The following SGCZ variants were observed in gnomAD, a reference collection of about 807,000 sequenced individuals.
SGCZ encodes the protein zeta-sarcoglycan.
Under a neutral mutation model 41.3 loss-of-function variants are expected in SGCZ, and 40 were observed. The observed-to-expected ratio is 0.97, with a 90% CI of 0.75 to 1.26. SGCZ has a LOEUF of 1.26. Ranked by LOEUF, SGCZ falls within the 50% of genes most tolerant of loss-of-function variation. SGCZ has a pLI of 0.00. For synonymous variants in SGCZ, 206 were observed against 137.5 expected (o/e 1.50, Z -3.49); for missense variants, 552 against 369.8 (o/e 1.49, Z -4.04).
chr8:14,268,649 A>AAAAT (rs1321940554), intron 3 of SGCZ, among the ~76,000 whole-genome samples: 1 of 151,936 alleles, frequency 6.6e-6, no homozygotes. Flanking sequence ...AATTATAACA[A>AAAAT]AAATAAATAT....
intron 1 of SGCZ, among the ~76,000 whole-genome samples, chr8:15,112,651 C>G (rs114957305): frequency 1.3e-5 from 2 of 152,204 alleles, no homozygotes; most frequent in Non-Finnish European, 2.9e-5. Flanking sequence ...AACACAGCCA[C>G]CATGCCGTGA....
At chr8:14,155,483 G>A (rs1803849446) in intron 5 of SGCZ, among the ~76,000 whole-genome samples, 1 of 151,870 alleles carries the variant, frequency 6.6e-6, no homozygotes, top group African/African-American at 2.4e-5. Flanking sequence ...AAAAAATCAT[G>A]TCTCATATCA....
intron 7 of SGCZ, among the ~76,000 whole-genome samples, chr8:14,093,675 T>A (rs1801756077): frequency 6.6e-6 from 1 of 152,088 alleles, no homozygotes. Context: ...ACCATAAGAC[T>A]ACTGCACACT....
chr8:14,414,270 T>C (rs1212706435), intron 2 of SGCZ, among the ~76,000 whole-genome samples: 3 of 151,900 alleles, frequency 2.0e-5, no homozygotes, highest in Admixed American at 6.6e-5. Flanking sequence ...ATATTCCTAA[T>C]TCATTATCAG....
At chr8:14,192,275 G>A (rs562294498) in intron 4 of SGCZ, among the ~76,000 whole-genome samples, 1 of 151,910 alleles carries the variant, frequency 6.6e-6, no homozygotes, top group African/African-American at 2.4e-5. Context: ...TATATCCCAA[G>A]GTAGTAAAGA....
rs535277841 is a variant in SGCZ, at chr8:14,266,884, T to G, written c.337-29205A>C. The stretch of plus-strand genomic sequence containing the variant: ...AATCCAAGTCATTATAACCACAAAA[T>G]GGAGTAGAGGAACTATTGCAAGACA... On this transcript the variant is annotated intron_variant, in intron 3 of 7. Transcript: ENST00000382080. 2.6e-5 allele frequency among the ~76,000 whole-genome samples: 4 copies of G among 152,078 alleles called. No individual in the cohort carries two copies. The South Asian group carries it at 6.2e-4, about 24-fold the overall frequency.
chr8:14,923,872 A>G (rs1378660808), intron 1 of SGCZ, among the ~76,000 whole-genome samples: 1 of 152,232 alleles, frequency 6.6e-6, no homozygotes, highest in Non-Finnish European at 1.5e-5. Flanking sequence ...TGAGAACCCC[A>G]GAGTTGGTAC....
chr8:14,949,782 G>C (rs565613960), intron 1 of SGCZ, among the ~76,000 whole-genome samples: 13 of 151,992 alleles, frequency 8.6e-5, no homozygotes, highest in African/African-American at 1.4e-4. Context: ...CTATAATTGT[G>C]ATCAATAAAA....
chr8:14,160,318 C>T (rs1474792521), intron 5 of SGCZ, among the ~76,000 whole-genome samples: 3 of 152,046 alleles, frequency 2.0e-5, no homozygotes, highest in Admixed American at 6.5e-5. Context: ...ATGTGGAATA[C>T]GAATGAAACT....
Position 14,086,371 on chromosome 8 carries a change from T to A in SGCZ, c.*4072A>T, listed in dbSNP as rs1801522761. Among the ~76,000 whole-genome samples the A allele has an allele frequency of 6.6e-6, 1 of 151,742 alleles. No individual in the cohort carries two copies. The highest frequency in any genetic ancestry group is 2.1e-4 in the South Asian group (1 of 4,830). ...CTGCCTCATACAGAGATACCATGTT[T>A]GCAATGAAATAATTTATTAGGAGTT... On this transcript the variant is annotated 3_prime_UTR_variant, in exon 8 of 8. Transcript: ENST00000382080.
chr8:14,170,216 G>A (rs1277397510), intron 4 of SGCZ, among the ~76,000 whole-genome samples: 2 of 151,928 alleles, frequency 1.3e-5, no homozygotes, highest in Non-Finnish European at 2.9e-5. Context: ...CAAATCCTCA[G>A]TATTTAATTA....
At chr8:14,445,208 A>C (rs1800396721) in intron 2 of SGCZ, among the ~76,000 whole-genome samples, 1 of 152,206 alleles carries the variant, frequency 6.6e-6, no homozygotes, top group South Asian at 2.1e-4. Flanking sequence ...TCCCCAGTAA[A>C]ACTCCACCTT....
At chr8:14,286,075 T>TG (rs531536698) in intron 3 of SGCZ, among the ~76,000 whole-genome samples, 8,537 of 150,962 alleles carry the variant, frequency 0.057, 256 homozygotes, top group Middle Eastern at 0.11. Context: ...GCAGTCAATG[T>TG]ATTTTGTTTT....
intron 5 of SGCZ, among the ~76,000 whole-genome samples, chr8:14,125,588 C>G (rs541969629): frequency 5.9e-5 from 9 of 151,302 alleles, no homozygotes; most frequent in African/African-American, 2.2e-4. Flanking sequence ...CTATTTCCAT[C>G]AAACTACAAT....
chr8:14,546,283 C>A (rs79154312), intron 2 of SGCZ, among the ~76,000 whole-genome samples: 1 of 152,044 alleles, frequency 6.6e-6, no homozygotes, highest in Non-Finnish European at 1.5e-5. Context: ...CCATGATGTG[C>A]GTGCTGAGGA....
intron 2 of SGCZ, among the ~76,000 whole-genome samples, chr8:14,491,304 G>A (rs1801836334): frequency 7.0e-6 from 1 of 142,472 alleles, no homozygotes; most frequent in African/African-American, 2.6e-5. Context: ...CACTCCAGTG[G>A]ATCAACACAT....
At chr8:14,893,059 G>A (rs566944080) in intron 1 of SGCZ, among the ~76,000 whole-genome samples, 2 of 152,240 alleles carry the variant, frequency 1.3e-5, no homozygotes, top group African/African-American at 4.8e-5. Flanking sequence ...TTGCCGAGAG[G>A]GACTTTGCAT....
rs148586093 is a variant in SGCZ at position 14,972,462 on chromosome 8, A to C, written c.39+265123T>G. ...GGTCTTGACATTTATAAAGAATGAC[A>C]AGCTCTGTCTTTTGGTTTGCTTATG... On this transcript the variant is annotated intron_variant, in intron 1 of 7. Transcript: ENST00000382080. Among the ~76,000 whole-genome samples, 1,050 of 152,270 alleles carry C rather than the reference A, an allele frequency of 6.9e-3. 8 individuals carry two copies. Among genetic ancestry groups the C allele is most frequent in the African/African-American group, 0.024 (985 of 41,548 alleles).
chr8:14,847,034 T>C (rs1013075598), intron 1 of SGCZ, among the ~76,000 whole-genome samples: 7 of 151,582 alleles, frequency 4.6e-5, no homozygotes, highest in African/African-American at 1.2e-4. Flanking sequence ...ATTGTGCCAC[T>C]GCACTCCAGC....
Sources: allele counts gnomAD v4.1 joint callset (sites outside exome capture counted in the v4.1 genomes callset), GRCh38; gene constraint gnomAD v4.1.1; transcripts MANE v1.5; gene names NCBI Gene and HGNC (gene_info 2026-07-23, HGNC 2026-07-21).